GPBP1: variants seen among roughly 807,000 people sequenced by gnomAD.
The protein encoded by GPBP1 is GC-rich promoter binding protein 1.
GPBP1 carries 13 observed loss-of-function variants against 56.5 expected under a neutral mutation model. The ratio of observed to expected loss-of-function variants is 0.23; its 90% CI spans 0.15 to 0.37. The LOEUF (loss-of-function observed/expected upper bound fraction) is 0.37. Among genes scored for constraint, GPBP1 ranks in the 10% least tolerant of loss-of-function variants. The pLI is 1.00. For synonymous variants in GPBP1, 204 were observed against 188.9 expected (o/e 1.08, Z -0.66); for missense variants, 477 against 572.3 (o/e 0.83, Z 1.70).
rs192321098 is a variant in GPBP1, at chr5:57,254,840, G to T, written c.1160+3699G>T. On this transcript the variant is annotated intron_variant, in intron 10 of 11. Transcript: ENST00000506184. ...AGATATCTATAAATTCACTTGTTTAGACAAAGTATAATTTATTGTACATTT... is the reference window on the plus strand; with the variant it reads ...AGATATCTATAAATTCACTTGTTTATACAAAGTATAATTTATTGTACATTT... 1.4e-4 allele frequency among the ~76,000 whole-genome samples: 21 copies of T among 152,084 alleles called. No individual in the cohort carries two copies. The East Asian group carries it at 3.9e-3, about 28-fold the overall frequency.
At chr5:57,248,007 C>T (rs1425323592) in intron 8 of GPBP1, among the ~76,000 whole-genome samples, 5 of 152,098 alleles carry the variant, frequency 3.3e-5, no homozygotes, top group Admixed American at 3.3e-4. Flanking sequence ...CTTCCCAGTT[C>T]CTGGGATTAC....
intron 2 of GPBP1, among the ~76,000 whole-genome samples, chr5:57,183,780 T>TC (rs975624165): frequency 2.0e-5 from 3 of 150,770 alleles, no homozygotes; most frequent in Non-Finnish European, 4.4e-5. Flanking sequence ...TTTTTTTTTT[T>TC]TTTGTTTTGG....
In GPBP1 at chr5:57,251,270, T is replaced by C. The variant is rs1051068423; in HGVS notation, c.1160+129T>C. The C allele has an allele frequency of 8.6e-5, 65 of 758,112 alleles. No homozygotes were observed. In the Middle Eastern group the frequency reaches 1.3e-3, roughly 15 times the overall value. The allele number at this position is 758,112 out of a possible 1,614,324, so 47.0% of individuals were successfully genotyped here. On this transcript the variant is annotated intron_variant, in intron 10 of 11. Coordinates refer to ENST00000506184, the MANE Select transcript of GPBP1 (RefSeq NM_022913.4). ...GCCATAAATTTCACCCATTATGATA[T>C]ACAGATGGTTTTTAATATATTCAAA...
In GPBP1 at chr5:57,231,228, A is replaced by C; in HGVS notation, c.318A>C (p.Lys106Asn). 1 of 1,614,188 alleles carries C rather than the reference A, an allele frequency of 6.2e-7. No individual in the cohort carries two copies. Among genetic ancestry groups the C allele is most frequent in the South Asian group, 1.1e-5 (1 of 91,076 alleles). Reference protein sequence around the residue: ...RSRSSIFHAGKSQGLHENNIP... With the variant: ...RSRSSIFHAGNSQGLHENNIP... ...GTAGCAGTATTTTCCATGCAGGAAAAAGCCAAGGACTACATGAAAACAACA... is the reference window on the plus strand; with the variant it reads ...GTAGCAGTATTTTCCATGCAGGAAACAGCCAAGGACTACATGAAAACAACA... The change falls in exon 5 of 12, where the codon AAA becomes AAC. Residue 106 changes from lysine to asparagine, a missense_variant. Lys to Asn is a moderately conservative substitution (Grantham distance 94). Coordinates refer to ENST00000506184, the MANE Select transcript of GPBP1 (RefSeq NM_022913.4).
At chr5:57,257,363 T>C (rs1741711583) in intron 10 of GPBP1, among the ~76,000 whole-genome samples, 1 of 152,176 alleles carries the variant, frequency 6.6e-6, no homozygotes, top group Admixed American at 6.5e-5. Flanking sequence ...GATAATGCTT[T>C]TCAAATATTA....
chr5:57,191,589 G>GGTAAT (rs1561327076), intron 2 of GPBP1, among the ~76,000 whole-genome samples: 1 of 150,356 alleles, frequency 6.7e-6, no homozygotes, highest in African/African-American at 2.5e-5. Context: ...TTGAGACCGA[G>GGTAAT]TGTCACTCTA....
intron 2 of GPBP1, among the ~76,000 whole-genome samples, chr5:57,198,787 G>A (rs538315609): frequency 6.6e-6 from 1 of 152,174 alleles, no homozygotes; most frequent in Non-Finnish European, 1.5e-5. Flanking sequence ...GGCAGAGGTT[G>A]TAGCCTGGGT....
chr5:57,175,356 T>C, intron 1 of GPBP1, 92 bp from the exon 2 acceptor site: 1 of 391,912 alleles, frequency 2.6e-6, no homozygotes, highest in Non-Finnish European at 4.5e-6. Context: ...AGAAGTGATT[T>C]TCTCTCCAGA....
rs531390627 is a variant in GPBP1, at chr5:57,230,114, G to A, written c.64-732G>A. On this transcript the variant is annotated intron_variant, in intron 3 of 11. Transcript: ENST00000506184. Reference sequence around the variant, plus strand: ...CCTGGCTCATTTTTTTGTGTTTTTAGTAGAGACGGGGTTTCTCCATGTTGG... The same window carrying A: ...CCTGGCTCATTTTTTTGTGTTTTTAATAGAGACGGGGTTTCTCCATGTTGG... 2.0e-5 allele frequency among the ~76,000 whole-genome samples: 3 copies of A among 151,982 alleles called. No individual in the cohort carries two copies. In the South Asian group the frequency reaches 6.2e-4, roughly 32 times the overall value.
rs1741351874 is a variant in GPBP1 at position 57,250,874 on chromosome 5, T to C, written c.973-80T>C. ...TTATGTATTTTCAATGGAAGCTTAG[T>C]TAGGATCTATTAAAAGTTTTTAATA... is the stretch of plus-strand genomic sequence containing the variant. On this transcript the variant is annotated intron_variant, in intron 9 of 11. Transcript: ENST00000506184. The C allele has an allele frequency of 4.3e-6, 4 of 937,082 alleles. No homozygotes were observed. The Admixed American group carries it at 1.1e-4, about 25-fold the overall frequency. 58.0% of individuals were successfully genotyped at this position (937,082 alleles called of 1,614,324 possible).
chr5:57,217,105 A>G (rs538306621), intron 3 of GPBP1, among the ~76,000 whole-genome samples: 2 of 152,312 alleles, frequency 1.3e-5, no homozygotes, highest in South Asian at 4.1e-4. Context: ...AGATGCTAGA[A>G]ATGGACTTTT....
chr5:57,182,250 A>C (rs975011982), intron 2 of GPBP1, among the ~76,000 whole-genome samples: 1 of 151,634 alleles, frequency 6.6e-6, no homozygotes, highest in Non-Finnish European at 1.5e-5. Context: ...GGCCTGGCTA[A>C]GTTTTGTATT....
chr5:57,227,554 C>T (rs529130628), intron 3 of GPBP1, among the ~76,000 whole-genome samples: 5 of 152,278 alleles, frequency 3.3e-5, no homozygotes, highest in African/African-American at 7.2e-5. Flanking sequence ...TTGCATGGGC[C>T]GTTTCTTGGT....
chr5:57,251,472 G>A (rs1741383926), intron 10 of GPBP1, among the ~76,000 whole-genome samples: 1 of 151,746 alleles, frequency 6.6e-6, no homozygotes, highest in African/African-American at 2.4e-5. Flanking sequence ...TATTTGCATT[G>A]TAAGCACGTC....
chr5:57,187,764 T>G (rs831640), intron 2 of GPBP1, among the ~76,000 whole-genome samples: 55,258 of 151,758 alleles, frequency 0.36, 10,738 homozygotes, highest in Middle Eastern at 0.44. Flanking sequence ...GACAGTGGTG[T>G]TGTGGCTGGT....
chr5:57,237,074 T>C (rs1342738154), intron 6 of GPBP1: 1 of 1,420,852 alleles, frequency 7.0e-7, no homozygotes, highest in Non-Finnish European at 9.7e-7. Flanking sequence ...GCATTGTTTT[T>C]TCTGTATTGC....
intron 2 of GPBP1, among the ~76,000 whole-genome samples, chr5:57,199,116 G>T (rs1430251703): frequency 6.6e-6 from 1 of 152,064 alleles, no homozygotes; most frequent in African/African-American, 2.4e-5. Flanking sequence ...GTTCTTTTCT[G>T]TGTTCTTTCA....
chr5:57,229,230 C>CA (rs543005934), intron 3 of GPBP1, among the ~76,000 whole-genome samples: 888 of 77,352 alleles, frequency 0.011, 234 homozygotes, highest in Non-Finnish European at 0.019. Context: ...GACTCCATCT[C>CA]AAAAAAAAAA....
chr5:57,208,936 T>C (rs1381897301), intron 2 of GPBP1, among the ~76,000 whole-genome samples: 1 of 152,196 alleles, frequency 6.6e-6, no homozygotes, highest in Non-Finnish European at 1.5e-5. Flanking sequence ...ATTACAGGCT[T>C]GAGCCACTGT....
Sources: gnomAD v4.1 joint callset for allele counts (sites outside exome capture counted in the v4.1 genomes callset) on GRCh38, gnomAD v4.1.1 for gene constraint, MANE v1.5 for transcripts, NCBI Gene and HGNC (gene_info 2026-07-23, HGNC 2026-07-21) for gene names.